The following AVL9 variants were observed in gnomAD, a reference collection of about 807,000 sequenced individuals.
AVL9 encodes the protein late secretory pathway protein AVL9 homolog.
A neutral mutation model predicts 79.2 loss-of-function variants in AVL9; 49 were observed. The ratio of observed to expected loss-of-function variants is 0.62; its 90% CI spans 0.49 to 0.79. AVL9 has a LOEUF of 0.79. Among genes scored for constraint, AVL9 ranks in the 30% least tolerant of loss-of-function variants. AVL9 has a pLI of 0.00. For synonymous variants in AVL9, 299 were observed against 280.6 expected, an observed-to-expected ratio of 1.07 and a Z score of -0.65; for missense variants, 682 against 776.8, an observed-to-expected ratio of 0.88 and a Z score of 1.45.
intron 3 of AVL9, among the ~76,000 whole-genome samples, chr7:32,548,153 T>TTTGTTTTCTTTTTGTTTTTG (rs748923227): frequency 6.9e-6 from 1 of 145,008 alleles, no homozygotes; most frequent in Non-Finnish European, 1.5e-5. Flanking sequence ...TCTTTTTTCT[T>TTTGTTTTCTTTTTGTTTTTG]TTTTTTTTTT....
chr7:32,520,334 C>CTGTAAGG (rs1788084800), intron 1 of AVL9, among the ~76,000 whole-genome samples: 1 of 152,172 alleles, frequency 6.6e-6, no homozygotes. Flanking sequence ...AAAATAGCCA[C>CTGTAAGG]TGTAAGGACA....
chr7:32,515,721 T>TA (rs1378452209), intron 1 of AVL9, among the ~76,000 whole-genome samples: 4 of 152,308 alleles, frequency 2.6e-5, no homozygotes, highest in African/African-American at 9.6e-5. Context: ...TCCTTACTGT[T>TA]ATAGCGCTCA....
At chr7:32,566,180 A>AATCTTTTTTTTTTTTTTTT (rs1790557249) in intron 10 of AVL9, among the ~76,000 whole-genome samples, 1 of 93,878 alleles carries the variant, frequency 1.1e-5, no homozygotes, top group African/African-American at 4.2e-5. Context: ...TATTATTATT[A>AATCTTTTTTTTTTTTTTTT]TTTTTTTTTT....
In AVL9 at chr7:32,558,885, A is replaced by G. The variant is rs551716060; in HGVS notation, c.680-44A>G. ...TAATATATAGCTCTCAGGTTCTTCC[A>G]TATTATTATAAGCCAAGCTGTTCTT... On this transcript the variant is annotated intron_variant, in intron 9 of 15. Transcript: ENST00000318709. The G allele has an allele frequency of 4.7e-6, 7 of 1,500,742 alleles. No individual in the cohort carries two copies. The South Asian group carries it at 6.9e-5, about 15-fold the overall frequency. 93.0% of individuals were successfully genotyped at this position (1,500,742 alleles called of 1,614,324 possible). A position where few individuals can be genotyped will look rare whatever the true frequency, so the allele number is the denominator to read the frequency against.
At position 32,573,312 on chromosome 7, in the gene AVL9, G is replaced by C; in HGVS notation, c.1464G>C (p.Arg488=). The C allele has an allele frequency of 6.2e-7, 1 of 1,613,744 alleles. No homozygotes were observed. Among genetic ancestry groups the C allele is most frequent in the Non-Finnish European group, 8.5e-7 (1 of 1,179,976 alleles). ...TAGTGAGGCACGTGACTGAGAATCG[G>C]GATGACGTCTTCCTAGATGGCACGG... The part of the protein sequence containing the change: ...DYLVRHVTEN[R]DDVFLDGTGW... Residue 488 remains arginine (R), a synonymous_variant, in exon 12 of 16, where the codon CGG becomes CGC. Transcript: ENST00000318709.
At chr7:32,553,838 C>T (rs982848885) in intron 7 of AVL9, 71 bp downstream of exon 7, 23 of 1,065,734 alleles carry the variant, frequency 2.2e-5, no homozygotes, top group Non-Finnish European at 3.0e-5. Flanking sequence ...TTAGTGTGCT[C>T]ATTTAACTGC....
chr7:32,573,334 A>C lies in AVL9; in HGVS notation c.1486A>C (p.Thr496Pro). The C allele has an allele frequency of 3.1e-6, 5 of 1,613,858 alleles. No homozygotes were observed. The highest frequency in any genetic ancestry group is 4.2e-6 in the Non-Finnish European group (5 of 1,179,986). ...ENRDDVFLDG[T>P]GWEGGDEWIR... ...TCGGGATGACGTCTTCCTAGATGGCACGGGCTGGGAGGGAGGTGACGAATG... is the reference window on the plus strand; with the variant it reads ...TCGGGATGACGTCTTCCTAGATGGCCCGGGCTGGGAGGGAGGTGACGAATG... The change falls in exon 12 of 16, where the codon ACG (threonine) becomes CCG (proline). Residue 496 changes from threonine to proline, a missense_variant. Physicochemically the swap from Thr to Pro is conservative, Grantham distance 38 (BLOSUM62 -1). Transcript: ENST00000318709.
intron 1 of AVL9, among the ~76,000 whole-genome samples, chr7:32,529,841 T>C (rs1218457687): frequency 6.6e-6 from 1 of 152,230 alleles, no homozygotes; most frequent in African/African-American, 2.4e-5. Flanking sequence ...AAGATGTCCT[T>C]ATGCACCCCT....
intron 1 of AVL9, among the ~76,000 whole-genome samples, chr7:32,541,296 T>C (rs1789196582): frequency 6.6e-6 from 1 of 151,880 alleles, no homozygotes; most frequent in Admixed American, 6.6e-5. Context: ...GTACATAATG[T>C]TTGTTTATTT....
chr7:32,502,429 C>T (rs563830886), intron 1 of AVL9, among the ~76,000 whole-genome samples: 1 of 146,892 alleles, frequency 6.8e-6, no homozygotes, highest in African/African-American at 2.5e-5. Flanking sequence ...GGTATCAAAC[C>T]ATAATCATGT....
chr7:32,511,888 A>G (rs186009128), intron 1 of AVL9, among the ~76,000 whole-genome samples: 36 of 152,226 alleles, frequency 2.4e-4, no homozygotes, highest in Admixed American at 2.3e-3. Context: ...CATTTTTCCA[A>G]ATGAGTGCTG....
chr7:32,547,175 C>G (rs1000647441), intron 3 of AVL9, among the ~76,000 whole-genome samples: 5 of 152,198 alleles, frequency 3.3e-5, no homozygotes, highest in African/African-American at 1.2e-4. Flanking sequence ...ACTTCTTTGT[C>G]ATTGGTCAGG....
intron 1 of AVL9, among the ~76,000 whole-genome samples, chr7:32,499,652 A>G (rs538699519): frequency 2.2e-4 from 33 of 152,250 alleles, no homozygotes; most frequent in Non-Finnish European, 3.7e-4. Flanking sequence ...ATAGGTATAC[A>G]TGTGCCATGG....
chr7:32,559,309 C>A lies in AVL9; in HGVS notation c.1060C>A (p.Gln354Lys), dbSNP rs1420173206. 4 of 1,614,032 alleles carry A rather than the reference C, an allele frequency of 2.5e-6. No homozygotes were observed. Among genetic ancestry groups the A allele is most frequent in the Non-Finnish European group, 3.4e-6 (4 of 1,180,020 alleles). ...LKEREQLGSD[Q>K]TNLFPKDSVP... ...AGAAAGGGAACAGCTGGGATCAGACCAGACAAATTTGTTTCCAAAGGACTC... is the reference window on the plus strand; with the variant it reads ...AGAAAGGGAACAGCTGGGATCAGACAAGACAAATTTGTTTCCAAAGGACTC... The change falls in exon 10 of 16, where the codon CAG (glutamine) becomes AAG (lysine). Residue 354 changes from glutamine to lysine, a missense_variant. Transcript: ENST00000318709.
intron 8 of AVL9, among the ~76,000 whole-genome samples, chr7:32,554,860 C>T (rs1789989530): frequency 1.3e-5 from 2 of 152,164 alleles, no homozygotes; most frequent in African/African-American, 4.8e-5. Flanking sequence ...GGATTTGACT[C>T]AGTGGCTCCA....
chr7:32,567,171 A>G (rs974506884), intron 10 of AVL9, among the ~76,000 whole-genome samples: 10 of 152,110 alleles, frequency 6.6e-5, no homozygotes, highest in African/African-American at 2.4e-4. Context: ...GTGTGATCTC[A>G]GCTCACTGCA....
rs747551880 is a variant in AVL9, at chr7:32,544,756, T to G, written c.277T>G (p.Cys93Gly). ...GNGATVFGISCYRQIEAKALK... is the reference protein window; with the variant it reads ...GNGATVFGISGYRQIEAKALK... The stretch of plus-strand genomic sequence containing the variant: ...TGGAGCCACAGTATTTGGTATCTCT[T>G]GCTATCGACAAATTGAAGCCAAGGT... Residue 93 changes from cysteine to glycine, a missense_variant, in exon 3 of 16, where the codon TGC becomes GGC. Transcript: ENST00000318709. The G allele has an allele frequency of 6.2e-7, 1 of 1,613,826 alleles. No individual in the cohort carries two copies. The highest frequency in any genetic ancestry group is 8.5e-7 in the Non-Finnish European group (1 of 1,179,854).
At chr7:32,512,983 C>G (rs9638881) in intron 1 of AVL9, among the ~76,000 whole-genome samples, 35,482 of 111,818 alleles carry the variant, frequency 0.32, 4,958 homozygotes, top group East Asian at 0.44. Context: ...GGAGAGATAA[C>G]TGTGCACGCC....
intron 13 of AVL9, among the ~76,000 whole-genome samples, chr7:32,576,628 CA>C (rs1205422936): frequency 6.6e-6 from 1 of 151,686 alleles, no homozygotes; most frequent in Non-Finnish European, 1.5e-5. Flanking sequence ...ACTAAAAATA[CA>C]AAAAAAATTA....
Sources: allele counts gnomAD v4.1 joint callset (sites outside exome capture counted in the v4.1 genomes callset), GRCh38; gene constraint gnomAD v4.1.1; transcripts MANE v1.5; gene names NCBI Gene and HGNC (gene_info 2026-07-23, HGNC 2026-07-21).